The following VNN1 variants were observed in gnomAD, a reference collection of about 807,000 sequenced individuals.
VNN1 encodes the protein vanin 1.
Under a neutral mutation model 41.9 loss-of-function variants are expected in VNN1, and 29 were observed. That is an observed-to-expected ratio of 0.69 (90% CI 0.52 to 0.94). The LOEUF (loss-of-function observed/expected upper bound fraction) is 0.94, where lower values mean the gene tolerates loss of function less well. Among genes scored for constraint, VNN1 ranks in the 40% least tolerant of loss-of-function variants. The pLI is 0.00. For synonymous variants in VNN1, 233 were observed against 224.4 expected (o/e 1.04, Z -0.34); for missense variants, 637 against 621.1 (o/e 1.03, Z -0.27).
chr6:132,684,574 A>G, intron 5 of VNN1, 69 bp from the exon 6 acceptor site: 2 of 1,549,520 alleles, frequency 1.3e-6, no homozygotes, highest in Non-Finnish European at 8.9e-7. Context: ...GCTTGATTTA[A>G]TCATTTCACG....
intron 2 of VNN1, among the ~76,000 whole-genome samples, chr6:132,705,049 A>G (rs1778500231): frequency 6.6e-6 from 1 of 150,992 alleles, no homozygotes. Context: ...AAGATCTCCC[A>G]GCAAAAAAAA....
intron 5 of VNN1, 49 bp from the exon 6 acceptor site, chr6:132,684,554 A>G (rs1778180130): frequency 3.8e-6 from 6 of 1,599,912 alleles, no homozygotes; most frequent in Non-Finnish European, 5.1e-6. Context: ...CATGTGGGAT[A>G]TGTGAATTTG....
chr6:132,685,324 T>C (rs976424974), intron 5 of VNN1, among the ~76,000 whole-genome samples: 7 of 152,238 alleles, frequency 4.6e-5, no homozygotes, highest in African/African-American at 1.4e-4. Context: ...ATATTCCAAG[T>C]CACCTTCATC....
At chr6:132,693,759 G>A (rs1286129743) in intron 3 of VNN1, among the ~76,000 whole-genome samples, 2 of 152,118 alleles carry the variant, frequency 1.3e-5, no homozygotes, top group African/African-American at 4.8e-5. Flanking sequence ...AATGCATGCG[G>A]CACTTTCTGA....
intron 5 of VNN1, among the ~76,000 whole-genome samples, chr6:132,686,659 G>C (rs1251863001): frequency 6.6e-6 from 1 of 152,146 alleles, no homozygotes; most frequent in Admixed American, 6.5e-5. Context: ...CTCAAAATTG[G>C]CAAGTGTTAC....
In VNN1 at chr6:132,694,028, A is replaced by C. The variant is rs141948457; in HGVS notation, c.496T>G (p.Phe166Val). Residue 166 changes from phenylalanine (F) to valine (V), a missense_variant, in exon 3 of 7, where the codon TTT (phenylalanine) becomes GTT (valine). Transcript: ENST00000367928. ...GCCACCAGTTTTCCTTGAGAATCAA[A>C]TACCACATCAGTGTTGTATTGGTAA... ...GRYQYNTDVV[F>V]DSQGKLVARY... is the part of the protein sequence containing the mutation. The C allele has an allele frequency of 6.2e-7, 1 of 1,614,052 alleles. No individual in the cohort carries two copies. Among genetic ancestry groups the C allele is most frequent in the Non-Finnish European group, 8.5e-7 (1 of 1,180,014 alleles).
chr6:132,704,220 T>G (rs1259587925), intron 2 of VNN1, among the ~76,000 whole-genome samples: 1 of 151,968 alleles, frequency 6.6e-6, no homozygotes, highest in Admixed American at 6.5e-5. Context: ...GCTTAATAGA[T>G]AGTTACAGAA....
At chr6:132,712,718 C>T (rs1778622321) in intron 1 of VNN1, among the ~76,000 whole-genome samples, 1 of 152,212 alleles carries the variant, frequency 6.6e-6, no homozygotes, top group South Asian at 2.1e-4. Context: ...ACTGCCTGAG[C>T]TAACCTGGGC....
At chr6:132,688,347 G>A (rs1172378269) in intron 5 of VNN1, among the ~76,000 whole-genome samples, 1 of 152,026 alleles carries the variant, frequency 6.6e-6, no homozygotes, top group African/African-American at 2.4e-5. Context: ...CAAGTAATAT[G>A]TATTATTATC....
intron 6 of VNN1, among the ~76,000 whole-genome samples, chr6:132,683,799 C>A (rs569455609): frequency 6.4e-4 from 98 of 152,320 alleles, no homozygotes; most frequent in African/African-American, 2.3e-3. Flanking sequence ...GGAGAACTTG[C>A]AGGAAGTCAG....
chr6:132,683,248 C>T lies in VNN1; in HGVS notation c.1434G>A (p.Arg478=), dbSNP rs1778153625. 1 of 1,614,120 alleles carries T rather than the reference C, an allele frequency of 6.2e-7. No homozygotes were observed. The highest frequency in any genetic ancestry group is 1.3e-5 in the African/African-American group (1 of 75,046). Residue 478 remains arginine (R), a synonymous_variant, in exon 7 of 7, where the codon AGG becomes AGA. Transcript: ENST00000367928. ...GPVLTVTLFG[R]LYEKDWASNA... Reference sequence around the variant, plus strand: ...TTGATGCCCAGTCCTTCTCATACAACCTCCCAAACAGAGTTACTGTTAAGA... The same window carrying T: ...TTGATGCCCAGTCCTTCTCATACAATCTCCCAAACAGAGTTACTGTTAAGA...
chr6:132,688,845 TC>T (rs1582768279), intron 5 of VNN1, among the ~76,000 whole-genome samples: 2 of 152,274 alleles, frequency 1.3e-5, no homozygotes, highest in East Asian at 3.9e-4. Context: ...TTTCCCTCTT[TC>T]CTCCAGCACC....
intron 5 of VNN1, among the ~76,000 whole-genome samples, chr6:132,687,881 A>G (rs1264381772): frequency 1.3e-5 from 2 of 152,184 alleles, no homozygotes; most frequent in Non-Finnish European, 2.9e-5. Flanking sequence ...AAACAAAGAA[A>G]AACTATAAAA....
intron 2 of VNN1, among the ~76,000 whole-genome samples, chr6:132,707,249 A>C (rs116997483): frequency 0.044 from 6,592 of 150,872 alleles, 328 homozygotes; most frequent in South Asian, 0.13. Flanking sequence ...AAGCAAATCA[A>C]AAGTACAATT....
In VNN1 at chr6:132,713,848, G is replaced by T. The variant is rs45500693; in HGVS notation, c.188C>A (p.Ala63Glu). The T allele has an allele frequency of 5.0e-6, 8 of 1,612,854 alleles. No individual in the cohort carries two copies. The African/African-American group carries it at 6.7e-5, about 13-fold the overall frequency. Residue 63 changes from alanine (A) to glutamate (E), a missense_variant, in exon 1 of 7, where the codon GCG (alanine) becomes GAG (glutamate). Transcript: ENST00000367928. ...MNRNLDILEG[A>E]ITSAADQGAH... ...TACCTGATCTGCTGCTGATGTGATC[G>T]CTCCTTCCAAAATGTCCAGATTCCG...
In VNN1 at chr6:132,711,815, C is replaced by T. The variant is rs375455409; in HGVS notation, c.235G>A (p.Glu79Lys). 2 of 1,614,024 alleles carry T rather than the reference C, an allele frequency of 1.2e-6. No individual in the cohort carries two copies. The highest frequency in any genetic ancestry group is 1.7e-6 in the Non-Finnish European group (2 of 1,179,954). ...DQGAHIIVTPEDAIYGWNFNR... is the reference protein window; with the variant it reads ...DQGAHIIVTPKDAIYGWNFNR... The stretch of plus-strand genomic sequence containing the variant: ...AAGTTCCAGCCATAAATAGCATCTT[C>T]TGGAGTCACAATAATATGCGCACCC... Residue 79 changes from glutamate (E) to lysine (K), a missense_variant, in exon 2 of 7, where the codon GAA becomes AAA. By Grantham distance (56) the Glu-to-Lys change is moderately conservative (BLOSUM62 1). Coordinates refer to ENST00000367928, the MANE Select transcript of VNN1 (RefSeq NM_004666.3).
In VNN1 at chr6:132,693,195, G is replaced by C; in HGVS notation, c.655C>G (p.Pro219Ala). ...FTCFDILFHD[P>A]AVTLVKDFHV... ...AAATCTTTCACCAAGGTAACAGCAG[G>C]ATCATGGAAGAGTATATCAAAGCAT... Residue 219 changes from proline to alanine, a missense_variant, in exon 4 of 7, where the codon CCT (proline) becomes GCT (alanine). Pro to Ala is a conservative substitution (Grantham distance 27, BLOSUM62 -1). Transcript: ENST00000367928. 1 of 1,614,126 alleles carries C rather than the reference G, an allele frequency of 6.2e-7. No individual in the cohort carries two copies. The highest frequency in any genetic ancestry group is 8.5e-7 in the Non-Finnish European group (1 of 1,180,014).
chr6:132,705,272 C>T (rs1402158905), intron 2 of VNN1, among the ~76,000 whole-genome samples: 1 of 152,036 alleles, frequency 6.6e-6, no homozygotes, highest in African/African-American at 2.4e-5. Flanking sequence ...AAAAAAACCT[C>T]AACAAAATAC....
chr6:132,696,860 T>C (rs1241937304), intron 2 of VNN1, among the ~76,000 whole-genome samples: 2 of 151,764 alleles, frequency 1.3e-5, no homozygotes, highest in Non-Finnish European at 1.5e-5. Context: ...TCCTAGCACT[T>C]TGCAAGACTG....
Sources: allele counts gnomAD v4.1 joint callset (sites outside exome capture counted in the v4.1 genomes callset), GRCh38; gene constraint gnomAD v4.1.1; transcripts MANE v1.5; gene names NCBI Gene and HGNC (gene_info 2026-07-23, HGNC 2026-07-21).